RBPJ: variants seen among roughly 807,000 people sequenced by gnomAD.
RBPJ encodes recombination signal binding protein for immunoglobulin kappa J region.
In RBPJ, 9 loss-of-function variants were observed where a neutral mutation model predicts 67.8. That is an observed-to-expected ratio of 0.13 (90% CI 0.08 to 0.23). The LOEUF (loss-of-function observed/expected upper bound fraction) is 0.23, where lower values mean the gene tolerates loss of function less well. Ranked by LOEUF, RBPJ falls within the 10% of genes least tolerant of loss-of-function variation. RBPJ has a pLI of 1.00. For missense variants in RBPJ, 305 were observed against 595.6 expected, an observed-to-expected ratio of 0.51 and a Z score of 5.08; for synonymous variants, 198 against 203.3, an observed-to-expected ratio of 0.97 and a Z score of 0.22.
At chr4:26,265,241 G>A (rs901103897) in intron 1 of RBPJ, among the ~76,000 whole-genome samples, 9 of 152,138 alleles carry the variant, frequency 5.9e-5, no homozygotes, top group Middle Eastern at 3.4e-3. Flanking sequence ...TCTAAAGAGC[G>A]GATGAGGCTG....
At chr4:26,318,057 T>C (rs1722715965), upstream of RBPJ, among the ~76,000 whole-genome samples, 1 of 152,042 alleles carries the variant, frequency 6.6e-6, no homozygotes, top group Non-Finnish European at 1.5e-5. Context: ...TGCACTGAGA[T>C]ATTGCACCAA....
the RBPJ span, among the ~76,000 whole-genome samples, chr4:26,125,615 A>G: frequency 6.6e-6 from 1 of 152,116 alleles, no homozygotes; most frequent in East Asian, 1.9e-4. Flanking sequence ...CCTGGCCAAC[A>G]TGGTGAAACC....
intron 1 of RBPJ, among the ~76,000 whole-genome samples, chr4:26,210,255 T>G (rs1718337273): frequency 6.6e-6 from 1 of 152,150 alleles, no homozygotes. Flanking sequence ...TTTAGGAAGA[T>G]TGTAACTGCC....
intron 1 of RBPJ, among the ~76,000 whole-genome samples, chr4:26,359,997 A>G (rs1328324854): frequency 1.3e-5 from 2 of 152,240 alleles, no homozygotes; most frequent in Non-Finnish European, 2.9e-5. Flanking sequence ...GAATTTAGTC[A>G]TCAAAAAAGT....
the RBPJ span, among the ~76,000 whole-genome samples, chr4:26,134,785 G>A: frequency 6.6e-6 from 1 of 152,218 alleles, no homozygotes; most frequent in Non-Finnish European, 1.5e-5. Context: ...ACACACAGTG[G>A]CCCTGGAACT....
intron 1 of RBPJ, among the ~76,000 whole-genome samples, chr4:26,164,231 A>G (rs1716174806): frequency 6.6e-6 from 1 of 152,376 alleles, no homozygotes; most frequent in Non-Finnish European, 1.5e-5. Context: ...CTGAAAGACA[A>G]CAGAAATGTT....
intron 1 of RBPJ, among the ~76,000 whole-genome samples, chr4:26,180,718 A>G (rs1423539171): frequency 2.0e-5 from 3 of 152,204 alleles, no homozygotes; most frequent in Non-Finnish European, 4.4e-5. Flanking sequence ...CAAACATTCA[A>G]ACTATAGCAT....
intron 1 of RBPJ, among the ~76,000 whole-genome samples, chr4:26,341,633 C>CAAAAA (rs35755502): frequency 8.2e-4 from 119 of 144,256 alleles, no homozygotes; most frequent in South Asian, 1.3e-3. Flanking sequence ...CAAAACAAAA[C>CAAAAA]AAAAAAAAAC....
chr4:26,355,830 AT>A (rs2109467505), intron 1 of RBPJ, among the ~76,000 whole-genome samples: 1 of 152,328 alleles, frequency 6.6e-6, no homozygotes, highest in Admixed American at 6.5e-5. Flanking sequence ...TGTAACAGGC[AT>A]TTCCCAAGGA....
At chr4:26,302,435 C>G (rs1024043784) in intron 1 of RBPJ, among the ~76,000 whole-genome samples, 2 of 152,206 alleles carry the variant, frequency 1.3e-5, no homozygotes, top group African/African-American at 4.8e-5. Flanking sequence ...CCCCTCTCCC[C>G]AGTCCCGTTT....
chr4:26,353,357 G>A (rs1272844265), intron 1 of RBPJ, among the ~76,000 whole-genome samples: 1 of 152,148 alleles, frequency 6.6e-6, no homozygotes, highest in East Asian at 1.9e-4. Flanking sequence ...GCATGCAGAG[G>A]CAGGTATTTG....
At chr4:26,340,203 A>T (rs140447221) in intron 1 of RBPJ, among the ~76,000 whole-genome samples, 107 of 152,350 alleles carry the variant, frequency 7.0e-4, no homozygotes, top group African/African-American at 2.5e-3. Context: ...AATAAAAAGC[A>T]GGCAAGATGG....
chr4:26,376,618 A>G (rs1341756036), intron 1 of RBPJ, among the ~76,000 whole-genome samples: 12 of 152,134 alleles, frequency 7.9e-5, no homozygotes. Context: ...TTTTAATTCC[A>G]GCTTCTGTTT....
the RBPJ span, among the ~76,000 whole-genome samples, chr4:26,116,692 C>G: frequency 6.6e-6 from 1 of 152,238 alleles, no homozygotes; most frequent in Non-Finnish European, 1.5e-5. Flanking sequence ...ACACAAGGTG[C>G]TGTAAAGCCA....
chr4:26,343,739 C>CTTTTTTTTTTTTTTTTT (rs71186404), intron 1 of RBPJ, among the ~76,000 whole-genome samples: 12 of 55,836 alleles, frequency 2.1e-4, no homozygotes, highest in African/African-American at 6.7e-4. Flanking sequence ...TTTCTTTCTT[C>CTTTTTTTTTTTTTTTTT]TTTTTTTTTT....
chr4:26,150,769 C>A, the RBPJ span, among the ~76,000 whole-genome samples: 1 of 152,158 alleles, frequency 6.6e-6, no homozygotes, highest in African/African-American at 2.4e-5. Flanking sequence ...ACCCCGGTCT[C>A]ATGGGGTGAG....
intron 1 of RBPJ, among the ~76,000 whole-genome samples, chr4:26,370,852 C>T (rs115606763): frequency 3.2e-4 from 48 of 151,958 alleles, no homozygotes; most frequent in African/African-American, 1.0e-3. Flanking sequence ...AGACCGAGGC[C>T]GGCAGATCAC....
At chr4:26,132,070 G>T in the RBPJ span, among the ~76,000 whole-genome samples, 1 of 152,036 alleles carries the variant, frequency 6.6e-6, no homozygotes, top group Non-Finnish European at 1.5e-5. Context: ...TTCTATTTGT[G>T]CATGGACATC....
At chr4:26,183,770 G>A (rs1577445781) in intron 1 of RBPJ, among the ~76,000 whole-genome samples, 3 of 152,166 alleles carry the variant, frequency 2.0e-5, no homozygotes, top group Admixed American at 6.5e-5. Flanking sequence ...AGCACTTTGG[G>A]AGGCTGAGGC....
Sources: gnomAD v4.1 joint callset for allele counts (sites outside exome capture counted in the v4.1 genomes callset) on GRCh38, gnomAD v4.1.1 for gene constraint, MANE v1.5 for transcripts, NCBI Gene and HGNC (gene_info 2026-07-23, HGNC 2026-07-21) for gene names.